Variants in AKT3 observed in about 807,000 individuals in gnomAD.
AKT3 encodes RAC-gamma serine/threonine-protein kinase.
Under a neutral mutation model 65.3 loss-of-function variants are expected in AKT3, and 15 were observed. That is an observed-to-expected ratio of 0.23 (90% CI 0.15 to 0.35). The LOEUF is 0.35. AKT3 is among the 10% of genes least tolerant of loss of function. The pLI is 1.00. For synonymous variants in AKT3, 206 were observed against 183.8 expected (o/e 1.12, Z -0.98); for missense variants, 243 against 576.5 (o/e 0.42, Z 5.92).
intron 3 of AKT3, among the ~76,000 whole-genome samples, chr1:243,676,942 C>A (rs1683566793): frequency 6.6e-6 from 1 of 152,208 alleles, no homozygotes; most frequent in African/African-American, 2.4e-5. Flanking sequence ...AATTCTTAAA[C>A]TGTATGTCAT....
intron 3 of AKT3, among the ~76,000 whole-genome samples, chr1:243,682,296 C>A (rs1683979690): frequency 6.6e-6 from 1 of 152,098 alleles, no homozygotes; most frequent in African/African-American, 2.4e-5. Flanking sequence ...AACTTCCCTA[C>A]ATACAAGAAG....
intron 2 of AKT3, among the ~76,000 whole-genome samples, chr1:243,837,578 C>G (rs1034219565): frequency 2.0e-5 from 3 of 151,942 alleles, no homozygotes; most frequent in African/African-American, 4.8e-5. Flanking sequence ...TACACCATGA[C>G]CAAATGGAAT....
intron 8 of AKT3, among the ~76,000 whole-genome samples, chr1:243,581,601 T>C (rs320324): frequency 0.96 from 145,388 of 152,078 alleles, 69,854 homozygotes; most frequent in East Asian, 1. Flanking sequence ...AAATCCTACC[T>C]GCATGAAAAT....
At chr1:243,507,237 A>G (rs1370425680) in intron 13 of AKT3, among the ~76,000 whole-genome samples, 1 of 152,250 alleles carries the variant, frequency 6.6e-6, no homozygotes, top group East Asian at 1.9e-4. Context: ...CAGGTTAGCC[A>G]GATGCTCAAC....
intron 1 of AKT3, among the ~76,000 whole-genome samples, chr1:243,845,588 C>CATAAAAAA (rs1695481194): frequency 1.3e-5 from 1 of 79,370 alleles, no homozygotes; most frequent in Non-Finnish European, 2.4e-5. Flanking sequence ...GAACCTGTCT[C>CATAAAAAA]AAAAAAAAAA....
chr1:243,826,386 C>T (rs755620308), intron 2 of AKT3, among the ~76,000 whole-genome samples: 3 of 152,214 alleles, frequency 2.0e-5, no homozygotes, highest in Admixed American at 6.5e-5. Flanking sequence ...AATTACCAAA[C>T]CCCTTTACTC....
chr1:243,657,143 T>TCTC (rs1284360170), intron 4 of AKT3, among the ~76,000 whole-genome samples: 1 of 152,156 alleles, frequency 6.6e-6, no homozygotes, highest in Non-Finnish European at 1.5e-5. Flanking sequence ...AACTCATAGA[T>TCTC]TAAATTAGTG....
chr1:243,722,020 C>G (rs905820310), intron 2 of AKT3, among the ~76,000 whole-genome samples: 1 of 152,006 alleles, frequency 6.6e-6, no homozygotes, highest in Non-Finnish European at 1.5e-5. Context: ...TCTAAAGGAG[C>G]CAAGCATAAG....
intron 3 of AKT3, among the ~76,000 whole-genome samples, chr1:243,681,673 G>T (rs1372813864): frequency 2.6e-5 from 4 of 152,148 alleles, no homozygotes; most frequent in Non-Finnish European, 5.9e-5. Context: ...CGTATTACTT[G>T]AAGAGAGCTG....
At chr1:243,529,382 G>A (rs1336432073) in intron 12 of AKT3, among the ~76,000 whole-genome samples, 1 of 152,050 alleles carries the variant, frequency 6.6e-6, no homozygotes, top group African/African-American at 2.4e-5. Flanking sequence ...GTCCAGAATG[G>A]TATTTCCTAG....
At chr1:243,626,155 A>G (rs768733886) in intron 6 of AKT3, among the ~76,000 whole-genome samples, 12 of 152,196 alleles carry the variant, frequency 7.9e-5, no homozygotes, top group African/African-American at 2.9e-4. Flanking sequence ...TGCAAAATCT[A>G]TCAATGGTCC....
At chr1:243,835,596 C>T (rs1014407428) in intron 2 of AKT3, among the ~76,000 whole-genome samples, 2 of 152,078 alleles carry the variant, frequency 1.3e-5, no homozygotes, top group Non-Finnish European at 2.9e-5. Flanking sequence ...TAAATCACTT[C>T]GGTCCCCACC....
At chr1:243,760,582 T>A (rs1434190788) in intron 2 of AKT3, among the ~76,000 whole-genome samples, 1 of 152,198 alleles carries the variant, frequency 6.6e-6, no homozygotes, top group Non-Finnish European at 1.5e-5. Flanking sequence ...TTTGCAGGCA[T>A]AGAGCAGCAA....
chr1:243,767,216 A>G (rs941082234), intron 2 of AKT3, among the ~76,000 whole-genome samples: 2 of 152,182 alleles, frequency 1.3e-5, no homozygotes, highest in African/African-American at 4.8e-5. Context: ...TGCAGCAATG[A>G]AACAGGAAAG....
chr1:243,495,380 A>C (rs1474624020), downstream of AKT3, among the ~76,000 whole-genome samples: 5 of 152,144 alleles, frequency 3.3e-5, no homozygotes, highest in Admixed American at 3.3e-4. Flanking sequence ...CCTTTCTCGG[A>C]GCCCAGAAGC....
intron 8 of AKT3, among the ~76,000 whole-genome samples, chr1:243,588,233 A>G (rs1156854119): frequency 6.6e-6 from 1 of 152,156 alleles, no homozygotes; most frequent in Admixed American, 6.5e-5. Flanking sequence ...ATACTAAGCA[A>G]TGCATGTGTA....
At chr1:243,721,543 T>A (rs1383172374) in intron 2 of AKT3, among the ~76,000 whole-genome samples, 2 of 152,140 alleles carry the variant, frequency 1.3e-5, no homozygotes, top group East Asian at 3.9e-4. Flanking sequence ...CTCTTATTAC[T>A]CTGTATTTTG....
chr1:243,774,462 T>G (rs534305274), intron 2 of AKT3, among the ~76,000 whole-genome samples: 1 of 152,342 alleles, frequency 6.6e-6, no homozygotes, highest in East Asian at 1.9e-4. Context: ...TTCATGTTAA[T>G]CAGAGACTGT....
At chr1:243,525,141 C>T (rs899781118) in intron 12 of AKT3, among the ~76,000 whole-genome samples, 12 of 152,130 alleles carry the variant, frequency 7.9e-5, no homozygotes, top group African/African-American at 2.9e-4. Flanking sequence ...GACTCTTGAA[C>T]CACACATGCA....
Sources: allele counts gnomAD v4.1 joint callset (sites outside exome capture counted in the v4.1 genomes callset), GRCh38; gene constraint gnomAD v4.1.1; transcripts MANE v1.5; gene names NCBI Gene and HGNC (gene_info 2026-07-23, HGNC 2026-07-21).